The following CDK14 variants were observed in gnomAD, a reference collection of about 807,000 sequenced individuals.
CDK14 encodes cyclin dependent kinase 14.
In CDK14, 34 loss-of-function variants were observed where a neutral mutation model predicts 60.7. That is an observed-to-expected ratio of 0.56 (90% CI 0.43 to 0.75). The LOEUF is 0.75. CDK14 is among the 30% of genes least tolerant of loss of function. The probability of loss-of-function intolerance (pLI) is 0.00; values close to 1 mark genes in which losing one functional copy is unlikely to be tolerated. For synonymous variants in CDK14, 197 were observed against 203.7 expected (o/e 0.97, Z 0.28); for missense variants, 482 against 564.1 (o/e 0.85, Z 1.47).
chr7:90,784,374 A>C (rs147685411), intron 4 of CDK14, among the ~76,000 whole-genome samples: 1 of 152,206 alleles, frequency 6.6e-6, no homozygotes, highest in South Asian at 2.1e-4. Context: ...ATAGTTAACA[A>C]TAATTTATTG....
At chr7:91,076,992 T>A (rs802800) in intron 11 of CDK14, among the ~76,000 whole-genome samples, 120,914 of 152,192 alleles carry the variant, frequency 0.79, 48,364 homozygotes, top group East Asian at 0.93. Flanking sequence ...AAAGTCAAGA[T>A]ACAGTAGCTG....
intron 5 of CDK14, among the ~76,000 whole-genome samples, chr7:90,839,756 ATAG>A (rs1456818920): frequency 6.6e-6 from 1 of 152,146 alleles, no homozygotes; most frequent in Non-Finnish European, 1.5e-5. Context: ...TTTATTACAG[ATAG>A]TAGGGTTTTA....
chr7:90,969,563 C>T lies in CDK14; in HGVS notation c.947+13746C>T, dbSNP rs1794859503. Reference sequence around the variant, plus strand: ...AGAGAGAAGCCTTAAAATATGACTTCCTTGTTTTGTATCAGCTGTCATATA... The same window carrying T: ...AGAGAGAAGCCTTAAAATATGACTTTCTTGTTTTGTATCAGCTGTCATATA... On this transcript the variant is annotated intron_variant, in intron 9 of 14. Coordinates refer to ENST00000380050, the MANE Select transcript of CDK14 (RefSeq NM_001287135.2). Among the ~76,000 whole-genome samples the T allele has an allele frequency of 2.0e-5, 3 of 152,088 alleles. No individual in the cohort carries two copies. The South Asian group carries it at 6.2e-4, about 32-fold the overall frequency.
chr7:90,646,826 T>C (rs1194197905), intron 2 of CDK14, among the ~76,000 whole-genome samples: 2 of 152,204 alleles, frequency 1.3e-5, no homozygotes, highest in African/African-American at 2.4e-5. Context: ...ATTTAGGTTG[T>C]TTATTGGGTT....
intron 14 of CDK14, among the ~76,000 whole-genome samples, chr7:91,165,774 C>G (rs1210305586): frequency 6.6e-6 from 1 of 152,320 alleles, no homozygotes; most frequent in South Asian, 2.1e-4. Context: ...GTCAAACCCT[C>G]TGCATTGTTA....
chr7:90,742,718 C>T (rs567944743), intron 3 of CDK14, among the ~76,000 whole-genome samples: 22 of 151,780 alleles, frequency 1.4e-4, no homozygotes, highest in African/African-American at 5.3e-4. Flanking sequence ...GGCTGCATGC[C>T]ATAGGTCTTA....
intron 4 of CDK14, among the ~76,000 whole-genome samples, chr7:90,780,195 C>T (rs1255604437): frequency 1.3e-5 from 2 of 152,070 alleles, no homozygotes; most frequent in Non-Finnish European, 2.9e-5. Flanking sequence ...TCATTTGTTA[C>T]ATGCAGTGCA....
intron 3 of CDK14, among the ~76,000 whole-genome samples, chr7:90,746,892 A>G (rs150058602): frequency 6.6e-6 from 1 of 152,328 alleles, no homozygotes; most frequent in East Asian, 1.9e-4. Context: ...TGAGTGATAC[A>G]TCTTCTGATT....
At chr7:91,173,795 C>G (rs866238733) in intron 14 of CDK14, among the ~76,000 whole-genome samples, 1 of 152,146 alleles carries the variant, frequency 6.6e-6, no homozygotes, top group South Asian at 2.1e-4. Context: ...GCACCTGGCT[C>G]GGAGGGTCCT....
In CDK14 at chr7:91,135,696, T is replaced by TA. The variant is rs556117627; in HGVS notation, c.*28+17489dup. ...AGCCTTGAGGTTGTCCTAGCAAAGT[T>TA]ACGTTCTTGAGGGTTGTTTGCACAC... On this transcript the variant is annotated intron_variant, in intron 14 of 14. Transcript: ENST00000380050. 2.6e-5 allele frequency among the ~76,000 whole-genome samples: 4 copies of TA among 152,280 alleles called. No individual in the cohort carries two copies. The South Asian group carries it at 8.3e-4, about 32-fold the overall frequency.
intron 4 of CDK14, among the ~76,000 whole-genome samples, chr7:90,765,602 G>GTTT (rs71104490): frequency 9.8e-4 from 144 of 146,484 alleles, no homozygotes; most frequent in Admixed American, 2.2e-3. Flanking sequence ...AACTAGGAAG[G>GTTT]TTTTTTTTTT....
At chr7:90,637,346 G>A (rs1310719052) in intron 2 of CDK14, among the ~76,000 whole-genome samples, 8 of 151,956 alleles carry the variant, frequency 5.3e-5, no homozygotes, top group Non-Finnish European at 7.4e-5. Context: ...CTTTGTTCTT[G>A]TTGGTTTCAA....
chr7:90,958,571 A>G lies in CDK14; in HGVS notation c.947+2754A>G, dbSNP rs140397462. On this transcript the variant is annotated intron_variant, in intron 9 of 14. Coordinates refer to ENST00000380050, the MANE Select transcript of CDK14 (RefSeq NM_001287135.2). ...TAGATCTTTTTTTCCCAACACAGGG[A>G]TTTGGGTAAAATAGATATTTACATA... Among the ~76,000 whole-genome samples, 706 of 152,046 alleles carry G rather than the reference A, an allele frequency of 4.6e-3. 4 individuals are homozygous for G. The highest frequency in any genetic ancestry group is 0.016 in the African/African-American group (679 of 41,460).
chr7:90,637,611 G>C (rs1036550211), intron 2 of CDK14, among the ~76,000 whole-genome samples: 5 of 151,872 alleles, frequency 3.3e-5, no homozygotes, highest in African/African-American at 1.2e-4. Flanking sequence ...TGTATATTCT[G>C]TTGATTTGGG....
At chr7:90,659,857 C>CTCTCTCTG (rs1800828614) in intron 2 of CDK14, among the ~76,000 whole-genome samples, 1 of 147,220 alleles carries the variant, frequency 6.8e-6, no homozygotes, top group African/African-American at 2.6e-5. Context: ...CTCTCTCTCT[C>CTCTCTCTG]TCTCTCTCTC....
intron 14 of CDK14, among the ~76,000 whole-genome samples, chr7:91,164,341 A>G (rs1157823162): frequency 1.3e-5 from 2 of 152,222 alleles, no homozygotes; most frequent in Non-Finnish European, 2.9e-5. Context: ...GCCAGGCCCT[A>G]TTAAAGTCCT....
At chr7:90,689,618 T>C (rs531867352) in intron 2 of CDK14, among the ~76,000 whole-genome samples, 12 of 152,206 alleles carry the variant, frequency 7.9e-5, no homozygotes, top group Non-Finnish European at 1.3e-4. Flanking sequence ...TAGCCCAGAC[T>C]AGTTTAGCTG....
At chr7:91,098,183 A>G (rs552891076) in intron 12 of CDK14, among the ~76,000 whole-genome samples, 2 of 152,234 alleles carry the variant, frequency 1.3e-5, no homozygotes, top group Non-Finnish European at 2.9e-5. Flanking sequence ...ATGCAATGTC[A>G]TAAGATAAAG....
At chr7:90,671,860 G>A (rs960746543) in intron 2 of CDK14, among the ~76,000 whole-genome samples, 1 of 152,172 alleles carries the variant, frequency 6.6e-6, no homozygotes, top group African/African-American at 2.4e-5. Context: ...CTAAAAGTTT[G>A]CTGTTTAAAA....
Sources: allele counts gnomAD v4.1 joint callset (sites outside exome capture counted in the v4.1 genomes callset), GRCh38; gene constraint gnomAD v4.1.1; transcripts MANE v1.5; gene names NCBI Gene and HGNC (gene_info 2026-07-23, HGNC 2026-07-21).